The following DDX20 variants were observed in gnomAD, a reference collection of about 807,000 sequenced individuals.
DDX20 encodes the protein DEAD-box helicase 20.
A neutral mutation model predicts 76.4 loss-of-function variants in DDX20; 61 were observed. The observed-to-expected ratio is 0.80, with a 90% CI of 0.65 to 0.99. The LOEUF is 0.99. Ranked by LOEUF, DDX20 falls within the 50% of genes least tolerant of loss-of-function variation. The probability of loss-of-function intolerance (pLI) is 0.00; values close to 1 mark genes in which losing one functional copy is unlikely to be tolerated. For missense variants in DDX20, 976 were observed against 996.8 expected, an observed-to-expected ratio of 0.98 and a Z score of 0.28; for synonymous variants, 357 against 357.4, an observed-to-expected ratio of 1.00 and a Z score of 0.01.
At chr1:111,761,909 A>T (rs1195250470) in intron 7 of DDX20, 1 of 175,820 alleles carries the variant, frequency 5.7e-6, no homozygotes, top group Non-Finnish European at 1.2e-5. Flanking sequence ...ACTATAGATC[A>T]CACTTTAACA....
intron 1 of DDX20, 110 bp from the exon 2 acceptor site, chr1:111,756,536 G>A (rs2101412615): frequency 1.1e-6 from 1 of 876,626 alleles, no homozygotes; most frequent in Non-Finnish European, 1.8e-6. Flanking sequence ...AAAAATGAAG[G>A]TGCCAACTAG....
At position 111,765,871 on chromosome 1, in the gene DDX20, C is replaced by T; in HGVS notation, c.1447C>T (p.Leu483Phe). The T allele has an allele frequency of 6.2e-7, 1 of 1,614,104 alleles. No homozygotes were observed. Among genetic ancestry groups the T allele is most frequent in the Non-Finnish European group, 8.5e-7 (1 of 1,180,010 alleles). Residue 483 changes from leucine to phenylalanine, a missense_variant, in exon 11 of 11, where the codon CTT becomes TTT. Leu to Phe is a conservative substitution (Grantham distance 22, BLOSUM62 0). Coordinates refer to ENST00000369702, the MANE Select transcript of DDX20 (RefSeq NM_007204.5). ...GCAAATTCAGAAAATAGAGAGAACC[C>T]TTCAAATTCAGAAAGCTCATGGTGA... Reference protein sequence around the residue: ...KKQIQKIERTLQIQKAHGDHM... With the variant: ...KKQIQKIERTFQIQKAHGDHM...
chr1:111,763,759 A>T lies in DDX20; in HGVS notation c.1312+752A>T, dbSNP rs376288957. ...AAAGAACAGCATCTTTAATTTGAAT[A>T]CTATTTTGAAAAATTGGAGTGAAAT... On this transcript the variant is annotated intron_variant, in intron 10 of 10. Transcript: ENST00000369702. Among the ~76,000 whole-genome samples the T allele has an allele frequency of 5.3e-5, 8 of 152,312 alleles. No individual in the cohort carries two copies. In the East Asian group the frequency reaches 1.3e-3, roughly 26 times the overall value.
chr1:111,764,457 A>G (rs1316166740), intron 10 of DDX20, among the ~76,000 whole-genome samples: 6 of 152,210 alleles, frequency 3.9e-5, no homozygotes, highest in Non-Finnish European at 8.8e-5. Flanking sequence ...TCGGGTTAGT[A>G]ATAACTCATT....
In DDX20 at chr1:111,760,561, A is replaced by T; in HGVS notation, c.653A>T (p.Glu218Val). ...FILDEADKLLEEGSFQEQINW... is the reference protein window; with the variant it reads ...FILDEADKLLVEGSFQEQINW... ...CTTGATGAAGCAGATAAGCTTTTAG[A>T]AGAAGGCAGCTTCCAGGAGCAAATA... Residue 218 changes from glutamate to valine, a missense_variant, in exon 4 of 11, where the codon GAA (glutamate) becomes GTA (valine). Physicochemically the swap from Glu to Val is moderately radical, Grantham distance 121 (BLOSUM62 -2). Transcript: ENST00000369702. The T allele has an allele frequency of 6.2e-7, 1 of 1,613,220 alleles. No homozygotes were observed. The highest frequency in any genetic ancestry group is 1.1e-5 in the South Asian group (1 of 90,734).
rs191821616 is a variant in DDX20 at position 111,762,040 on chromosome 1, A to G, written c.1022-215A>G. 1.4e-3 allele frequency: 685 copies of G among 473,020 alleles called. 1 individual carries two copies. Among genetic ancestry groups the G allele is most frequent in the Non-Finnish European group, 1.9e-3 (508 of 266,136 alleles). The allele number at this position is 473,020 out of a possible 1,614,324, so 29.3% of individuals were successfully genotyped here. Reference sequence around the variant, plus strand: ...AGGCATGGCCTGATCACTATTTAGGATTGATTTTTGAATTTCAAGTTGATT... The same window carrying G: ...AGGCATGGCCTGATCACTATTTAGGGTTGATTTTTGAATTTCAAGTTGATT... On this transcript the variant is annotated intron_variant, in intron 7 of 10. Transcript: ENST00000369702.
chr1:111,756,287 G>C, intron 1 of DDX20, 62 bp downstream of exon 1: 1 of 1,365,266 alleles, frequency 7.3e-7, no homozygotes, highest in Non-Finnish European at 9.4e-7. Flanking sequence ...CCGACGGGCG[G>C]CGGCGGCCAG....
chr1:111,765,829 A>G lies in DDX20; in HGVS notation c.1405A>G (p.Asn469Asp), dbSNP rs1261866983. The G allele has an allele frequency of 2.5e-6, 4 of 1,614,038 alleles. No individual in the cohort carries two copies. In the South Asian group the frequency reaches 3.3e-5, roughly 13 times the overall value. ...TACATATGGTATAGCAAGTGTACCT[A>G]ACCAACCCTTAAAAAAGCAAATTCA... is the stretch of plus-strand genomic sequence containing the variant. ...VHTYGIASVP[N>D]QPLKKQIQKI... The change falls in exon 11 of 11, where the codon AAC becomes GAC. Residue 469 changes from asparagine (N) to aspartate (D), a missense_variant. Around this residue, in one of 3 missense-constraint regions of DDX20, gnomAD observed 630 missense variants for 693.7 expected, o/e 0.91. Coordinates refer to ENST00000369702, the MANE Select transcript of DDX20 (RefSeq NM_007204.5).
intron 2 of DDX20, among the ~76,000 whole-genome samples, chr1:111,758,652 C>G (rs1280499472): frequency 1.3e-5 from 2 of 152,184 alleles, no homozygotes; most frequent in African/African-American, 4.8e-5. Context: ...CAGCTCTACT[C>G]TATGCCATTC....
rs1346567114 is a variant in DDX20 at position 111,765,628 on chromosome 1, ATTG to A, written c.1313-106_1313-104del. 4 of 928,866 alleles carry A rather than the reference ATTG, an allele frequency of 4.3e-6. No homozygotes were observed. In the African/African-American group the frequency reaches 5.0e-5, roughly 12 times the overall value. The allele number at this position is 928,866 out of a possible 1,614,324, so 57.5% of individuals were successfully genotyped here. A position where few individuals can be genotyped will look rare whatever the true frequency, so the allele number is the denominator to read the frequency against. Reference sequence around the variant, plus strand: ...ATTAAACATCTTAGTATATTTGCATATTGTTTCTTAAATGTATTTGATCATAGA... The same window carrying A: ...ATTAAACATCTTAGTATATTTGCATATTTCTTAAATGTATTTGATCATAGA... On this transcript the variant is annotated intron_variant, in intron 10 of 10. Coordinates refer to ENST00000369702, the MANE Select transcript of DDX20 (RefSeq NM_007204.5).
In DDX20 at chr1:111,762,775, C is replaced by T. The variant is rs1432193273; in HGVS notation, c.1203C>T (p.Gly401=). The T allele has an allele frequency of 3.1e-6, 5 of 1,604,900 alleles. No homozygotes were observed. The highest frequency in any genetic ancestry group is 1.7e-4 in the Middle Eastern group (1 of 6,052). The change falls in exon 9 of 11, where the codon GGC becomes GGT. Residue 401 remains glycine (G), a synonymous_variant. Transcript: ENST00000369702. ...ACATGCATCGGATTGGGAGAGCTGG[C>T]CGTTTTGGTAAAAAAAAAAAAAAAA... is the stretch of plus-strand genomic sequence containing the variant. The part of the protein sequence containing the change: ...ETYMHRIGRA[G]RFGTLGLTVT...
intron 2 of DDX20, 62 bp from the exon 3 acceptor site, chr1:111,759,338 A>T: frequency 3.2e-6 from 4 of 1,242,206 alleles, no homozygotes; most frequent in Non-Finnish European, 4.5e-6. Context: ...TGTAATGAAT[A>T]TACCAGTCCC....
Position 111,760,969 on chromosome 1 carries a change from G to C in DDX20, c.824-18G>C, listed in dbSNP as rs1385294382. ...ATTAGCATATATATTTGTTTTAACTGATAGCTCTTCTTTGTAGGTTTGAAG... is the reference window on the plus strand; with the variant it reads ...ATTAGCATATATATTTGTTTTAACTCATAGCTCTTCTTTGTAGGTTTGAAG... On this transcript the variant is annotated intron_variant, in intron 5 of 10. Coordinates refer to ENST00000369702, the MANE Select transcript of DDX20 (RefSeq NM_007204.5). 8 of 1,609,332 alleles carry C rather than the reference G, an allele frequency of 5.0e-6. No homozygotes were observed. Among genetic ancestry groups the C allele is most frequent in the Non-Finnish European group, 6.8e-6 (8 of 1,178,386 alleles).
intron 3 of DDX20, among the ~76,000 whole-genome samples, chr1:111,760,000 TGAA>T (rs1189743937): frequency 1.0e-5 from 1 of 98,494 alleles, no homozygotes; most frequent in African/African-American, 5.5e-5. Context: ...AAAAAAGAAA[TGAA>T]GAGCATTAGA....
At chr1:111,759,760 G>T (rs1238676246) in intron 3 of DDX20, among the ~76,000 whole-genome samples, 192 bp downstream of exon 3, 1 of 151,760 alleles carries the variant, frequency 6.6e-6, no homozygotes, top group East Asian at 1.9e-4. Context: ...GGATCACGAG[G>T]TCAGGAGATC....
chr1:111,763,057 C>A, intron 10 of DDX20, 50 bp downstream of exon 10: 3 of 1,421,302 alleles, frequency 2.1e-6, no homozygotes, highest in East Asian at 2.4e-5. Context: ...TGGTGATAAG[C>A]ATAATAAAAA....
In DDX20 at chr1:111,764,448, C is replaced by T. The variant is rs17028481; in HGVS notation, c.1313-1289C>T. On this transcript the variant is annotated intron_variant, in intron 10 of 10. Transcript: ENST00000369702. ...GGGAGTTCTATGTATTCTAGTAGATCGGGTTAGTAATAACTCATTTTATGA... is the reference window on the plus strand; with the variant it reads ...GGGAGTTCTATGTATTCTAGTAGATTGGGTTAGTAATAACTCATTTTATGA... 6.8e-3 allele frequency among the ~76,000 whole-genome samples: 1,031 copies of T among 152,222 alleles called. 9 individuals carry two copies. The highest frequency in any genetic ancestry group is 0.017 in the Middle Eastern group (5 of 294).
rs1202704101 is a variant in DDX20, at chr1:111,762,733, AT to A, written c.1163del (p.Leu388TrpfsTer21). ...ATCTGGTTGTAAATCTGGATGTACC[AT>A]TGGATTGGGAGACATACATGCATCG... ...VNLVVNLDVP[L>X]DWETYMHRIG... On this transcript the variant is annotated frameshift_variant, in exon 9 of 11. Transcript: ENST00000369702. LOFTEE classifies it high-confidence loss of function. 1 of 1,613,842 alleles carries A rather than the reference AT, an allele frequency of 6.2e-7. No homozygotes were observed. The highest frequency in any genetic ancestry group is 2.2e-5 in the East Asian group (1 of 44,868).
At position 111,766,780 on chromosome 1, in the gene DDX20, G is replaced by A; in HGVS notation, c.2356G>A (p.Glu786Lys). 2.5e-6 allele frequency: 4 copies of A among 1,614,176 alleles called. No individual in the cohort carries two copies. Among genetic ancestry groups the A allele is most frequent in the South Asian group, 2.2e-5 (2 of 91,090 alleles). The change falls in exon 11 of 11, where the codon GAA (glutamate) becomes AAA (lysine). Residue 786 changes from glutamate to lysine, a missense_variant. Coordinates refer to ENST00000369702, the MANE Select transcript of DDX20 (RefSeq NM_007204.5). ...GAGAGCTTACTACAGGGCATGGCAAGAATATTATGCTGCCGCTTCTCATTC... is the reference window on the plus strand; with the variant it reads ...GAGAGCTTACTACAGGGCATGGCAAAAATATTATGCTGCCGCTTCTCATTC... ...YWRAYYRAWQ[E>K]YYAAASHSYY...
Sources: gnomAD v4.1 joint callset for allele counts (sites outside exome capture counted in the v4.1 genomes callset) on GRCh38, gnomAD v4.1.1 for gene constraint, gnomAD v4.1.1 regional missense constraint, MANE v1.5 for transcripts, NCBI Gene and HGNC (gene_info 2026-07-23, HGNC 2026-07-21) for gene names.